KIAA1958: variants seen among roughly 807,000 people sequenced by gnomAD.
KIAA1958 encodes uncharacterized protein KIAA1958.
Under a neutral mutation model 47.2 loss-of-function variants are expected in KIAA1958, and 14 were observed. The observed-to-expected ratio is 0.30, with a 90% CI of 0.20 to 0.46. The LOEUF (loss-of-function observed/expected upper bound fraction) is 0.46, where lower values mean the gene tolerates loss of function less well. Ranked by LOEUF, KIAA1958 falls within the 20% of genes least tolerant of loss-of-function variation. KIAA1958 has a pLI of 1.00. For synonymous variants in KIAA1958, 354 were observed against 353.3 expected (o/e 1.00, Z -0.02); for missense variants, 803 against 909.2 (o/e 0.88, Z 1.50).
At chr9:112,536,722 A>G (rs759845234) in intron 1 of KIAA1958, among the ~76,000 whole-genome samples, 7 of 152,154 alleles carry the variant, frequency 4.6e-5, no homozygotes, top group Non-Finnish European at 8.8e-5. Context: ...TTGAGGCCAT[A>G]GTGAGCTATG....
chr9:112,584,226 T>C (rs990839115), intron 2 of KIAA1958, among the ~76,000 whole-genome samples: 42 of 152,340 alleles, frequency 2.8e-4, no homozygotes, highest in Non-Finnish European at 7.3e-5. Flanking sequence ...TTAACCTTTC[T>C]GTGGCTTAGT....
At position 112,662,426 on chromosome 9, in the gene KIAA1958, A is replaced by G. The variant is rs889754734; in HGVS notation, c.*2357A>G. On this transcript the variant is annotated 3_prime_UTR_variant, in exon 4 of 4. Transcript: ENST00000337530. ...TATGTATATGTGTGTGTGTCTGTGT[A>G]TACACACAAACACATATACATAAGT... 7.2e-5 allele frequency: 11 copies of G among 152,038 alleles called. No individual in the cohort carries two copies. 9.4% of individuals were successfully genotyped at this position (152,038 alleles called of 1,614,324 possible).
At chr9:112,499,845 C>T (rs1264421354) in intron 1 of KIAA1958, among the ~76,000 whole-genome samples, 6 of 150,896 alleles carry the variant, frequency 4.0e-5, no homozygotes, top group South Asian at 2.1e-4. Flanking sequence ...CCCACCACCA[C>T]GCCCGGCTAA....
chr9:112,550,770 A>G lies in KIAA1958; in HGVS notation c.-24-23287A>G, dbSNP rs979572612. Among the ~76,000 whole-genome samples the G allele has an allele frequency of 2.5e-4, 38 of 152,166 alleles. 1 individual carries two copies. Among genetic ancestry groups the G allele is most frequent in the African/African-American group, 8.7e-4 (36 of 41,442 alleles). On this transcript the variant is annotated intron_variant, in intron 1 of 3. Transcript: ENST00000337530. ...CAGGTGTCCAGGGTTTTTATTTGTC[A>G]GTCATGTAAACTTGTATCACCTGTG...
At chr9:112,489,274 T>G (rs1011139270) in intron 1 of KIAA1958, among the ~76,000 whole-genome samples, 14 of 152,266 alleles carry the variant, frequency 9.2e-5, no homozygotes, top group Admixed American at 3.3e-4. Flanking sequence ...ACGATTGAAT[T>G]GCTTGTTTAT....
At chr9:112,626,902 A>G (rs950955987) in intron 2 of KIAA1958, among the ~76,000 whole-genome samples, 6 of 151,328 alleles carry the variant, frequency 4.0e-5, no homozygotes, top group Admixed American at 6.6e-5. Context: ...GAGATTTTGC[A>G]TGTTGTTACA....
chr9:112,599,268 T>C (rs1836088268), intron 2 of KIAA1958, among the ~76,000 whole-genome samples: 1 of 152,160 alleles, frequency 6.6e-6, no homozygotes, highest in Non-Finnish European at 1.5e-5. Context: ...TTATTTTTAT[T>C]AGGGGAAAAT....
At chr9:112,556,926 C>T (rs1288162287) in intron 1 of KIAA1958, among the ~76,000 whole-genome samples, 1 of 152,148 alleles carries the variant, frequency 6.6e-6, no homozygotes, top group African/African-American at 2.4e-5. Flanking sequence ...AGACATATTT[C>T]AGATCACAGT....
intron 2 of KIAA1958, chr9:112,617,774 C>T: frequency 1.1e-6 from 1 of 948,832 alleles, no homozygotes; most frequent in African/African-American, 1.7e-5. Flanking sequence ...CCTCCTTTCC[C>T]TTGTCATTAT....
At chr9:112,490,132 G>T (rs998796918) in intron 1 of KIAA1958, among the ~76,000 whole-genome samples, 2 of 152,156 alleles carry the variant, frequency 1.3e-5, no homozygotes, top group Non-Finnish European at 2.9e-5. Context: ...TGAAAATGCA[G>T]ATTTCATTCT....
intron 1 of KIAA1958, among the ~76,000 whole-genome samples, chr9:112,494,809 T>C (rs564854273): frequency 3.4e-4 from 52 of 152,298 alleles, no homozygotes; most frequent in Admixed American, 2.0e-3. Flanking sequence ...AGTTTTCACT[T>C]CCTTTCTGAG....
chr9:112,532,239 A>T (rs1268443195), intron 1 of KIAA1958, among the ~76,000 whole-genome samples: 1 of 152,182 alleles, frequency 6.6e-6, no homozygotes, highest in East Asian at 1.9e-4. Flanking sequence ...TTTACAAAAG[A>T]TATATTCCAG....
At chr9:112,490,431 T>G (rs961588046) in intron 1 of KIAA1958, among the ~76,000 whole-genome samples, 7 of 152,198 alleles carry the variant, frequency 4.6e-5, no homozygotes, top group Admixed American at 2.0e-4. Context: ...ATTAGTTGAT[T>G]TATGGACTTT....
chr9:112,632,923 T>TAAAA lies in KIAA1958; in HGVS notation c.1172-12723_1172-12720dup, dbSNP rs1016716996. 1.7e-3 allele frequency among the ~76,000 whole-genome samples: 208 copies of TAAAA among 125,628 alleles called. 1 individual carries two copies. Among genetic ancestry groups the TAAAA allele is most frequent in the Middle Eastern group, 8.0e-3 (2 of 250 alleles). 82.4% of individuals were successfully genotyped at this position (125,628 alleles called of 152,430 possible). A position where few individuals can be genotyped will look rare whatever the true frequency, so the allele number is the denominator to read the frequency against. On this transcript the variant is annotated intron_variant, in intron 2 of 3. Transcript: ENST00000337530. ...TGGAAACAGCCTTTTTTTTTTTTTT[T>TAAAA]AAAAAAAGAGCCATTTAGATATGTG...
intron 1 of KIAA1958, among the ~76,000 whole-genome samples, chr9:112,487,849 C>G (rs1349993926): frequency 1.9e-5 from 1 of 53,492 alleles, no homozygotes; most frequent in Non-Finnish European, 3.4e-5. Flanking sequence ...TTTTTGGTTC[C>G]TTCAAGTCTT....
At chr9:112,552,068 T>C (rs1835160708) in intron 1 of KIAA1958, among the ~76,000 whole-genome samples, 1 of 152,204 alleles carries the variant, frequency 6.6e-6, no homozygotes, top group African/African-American at 2.4e-5. Context: ...ACTGGTCAGC[T>C]CATTGGTGAA....
chr9:112,520,847 C>T (rs1834526615), intron 1 of KIAA1958, among the ~76,000 whole-genome samples: 1 of 152,142 alleles, frequency 6.6e-6, no homozygotes, highest in African/African-American at 2.4e-5. Context: ...TATGTTGGTC[C>T]TTTTCAACAT....
chr9:112,503,052 T>C (rs1701237412), intron 1 of KIAA1958, among the ~76,000 whole-genome samples: 1 of 152,194 alleles, frequency 6.6e-6, no homozygotes, highest in Non-Finnish European at 1.5e-5. Flanking sequence ...TCATAGAGCT[T>C]AAATTTTAGT....
intron 2 of KIAA1958, among the ~76,000 whole-genome samples, chr9:112,640,789 GTATAA>G (rs888911124): frequency 2.0e-5 from 3 of 152,182 alleles, no homozygotes; most frequent in African/African-American, 7.2e-5. Flanking sequence ...AGGAAGAAGA[GTATAA>G]TACCAGCGAC....
Sources: gnomAD v4.1 joint callset for allele counts (sites outside exome capture counted in the v4.1 genomes callset) on GRCh38, gnomAD v4.1.1 for gene constraint, MANE v1.5 for transcripts, NCBI Gene and HGNC (gene_info 2026-07-23, HGNC 2026-07-21) for gene names.